The following NAV2 variants were observed in gnomAD, a reference collection of about 807,000 sequenced individuals.
The protein encoded by NAV2 is helicase, APC down-regulated 1.
In NAV2, 54 loss-of-function variants were observed where a neutral mutation model predicts 223.2. The ratio of observed to expected loss-of-function variants is 0.24; its 90% CI spans 0.19 to 0.30. The LOEUF (loss-of-function observed/expected upper bound fraction) is 0.30, where lower values mean the gene tolerates loss of function less well. NAV2 is among the 10% of genes least tolerant of loss of function. The pLI is 1.00. For synonymous variants in NAV2, 1,279 were observed against 1,239.3 expected (o/e 1.03, Z -0.67); for missense variants, 2,806 against 3,147.5 (o/e 0.89, Z 2.60).
At chr11:19,885,385 C>T (rs1250012134) in intron 5 of NAV2, among the ~76,000 whole-genome samples, 3 of 152,196 alleles carry the variant, frequency 2.0e-5, no homozygotes, top group Non-Finnish European at 4.4e-5. Flanking sequence ...GTTGAGGCTG[C>T]TTTTTAAAAT....
intron 1 of NAV2, among the ~76,000 whole-genome samples, chr11:19,415,184 A>C (rs1361184665): frequency 6.6e-6 from 1 of 152,102 alleles, no homozygotes; most frequent in Non-Finnish European, 1.5e-5. Context: ...ATTAACAAAG[A>C]GATAGACTGC....
intron 1 of NAV2, among the ~76,000 whole-genome samples, chr11:19,676,423 C>G (rs946863618): frequency 2.0e-5 from 3 of 152,092 alleles, no homozygotes; most frequent in African/African-American, 4.8e-5. Context: ...TACAACCTAG[C>G]ACAATGCTTG....
In NAV2 at chr11:19,714,465, C is replaced by T. The variant is rs373942270; in HGVS notation, c.267+503C>T. Reference sequence around the variant, plus strand: ...GATCGCGGGTGGCAGTGAACCTGCTCTTCCCTTGGCTTGAAGATGACCTGT... The same window carrying T: ...GATCGCGGGTGGCAGTGAACCTGCTTTTCCCTTGGCTTGAAGATGACCTGT... On this transcript the variant is annotated intron_variant, in intron 1 of 37. Coordinates refer to ENST00000349880, the MANE Select transcript of NAV2 (RefSeq NM_145117.5). The T allele has an allele frequency of 5.7e-5, 26 of 456,526 alleles. 2 individuals are homozygous for T. The highest frequency in any genetic ancestry group is 4.0e-4 in the South Asian group (26 of 64,566). 28.3% of individuals were successfully genotyped at this position (456,526 alleles called of 1,614,324 possible).
intron 1 of NAV2, among the ~76,000 whole-genome samples, chr11:19,785,588 G>A (rs1354684344): frequency 6.6e-6 from 1 of 151,576 alleles, no homozygotes; most frequent in Admixed American, 6.6e-5. Context: ...GATATTTCCT[G>A]AGATAGCAAT....
chr11:19,767,485 T>C (rs879191749), intron 1 of NAV2, among the ~76,000 whole-genome samples: 2 of 152,176 alleles, frequency 1.3e-5, no homozygotes, highest in Non-Finnish European at 2.9e-5. Context: ...ATTATTAGGA[T>C]CAAATGAGAG....
intron 1 of NAV2, among the ~76,000 whole-genome samples, chr11:19,687,246 C>T (rs2049049190): frequency 1.3e-5 from 2 of 152,342 alleles, no homozygotes; most frequent in South Asian, 2.1e-4. Context: ...GGGAGCCATA[C>T]AGCAGCTCTT....
At chr11:19,982,134 A>G (rs1425246030) in intron 10 of NAV2, among the ~76,000 whole-genome samples, 1 of 152,128 alleles carries the variant, frequency 6.6e-6, no homozygotes, top group African/African-American at 2.4e-5. Context: ...GGGCAATTAA[A>G]CAAATAATTA....
intron 10 of NAV2, 64 bp downstream of exon 10, chr11:19,949,144 T>C (rs2153368355): frequency 6.7e-7 from 1 of 1,497,450 alleles, no homozygotes; most frequent in Admixed American, 2.3e-5. Context: ...GCTTCTCTTT[T>C]GTAGGGCTCT....
intron 11 of NAV2, among the ~76,000 whole-genome samples, chr11:20,026,458 C>T (rs1475920960): frequency 6.6e-6 from 1 of 151,940 alleles, no homozygotes; most frequent in African/African-American, 2.4e-5. Context: ...CTACAGGTGC[C>T]TGCCACCATA....
intron 26 of NAV2, among the ~76,000 whole-genome samples, chr11:20,083,750 C>G (rs1480011271): frequency 4.0e-4 from 61 of 152,216 alleles, no homozygotes; most frequent in Admixed American, 3.9e-3. Context: ...GTTGTATAAA[C>G]TTCAGTTTCC....
At chr11:19,406,391 G>A (rs1033813788) in intron 1 of NAV2, among the ~76,000 whole-genome samples, 2 of 152,166 alleles carry the variant, frequency 1.3e-5, no homozygotes, top group Admixed American at 6.5e-5. Flanking sequence ...CGCGCAGAAC[G>A]GCAAGATGCT....
intron 1 of NAV2, among the ~76,000 whole-genome samples, chr11:19,729,176 A>G (rs1281485062): frequency 1.3e-5 from 2 of 152,176 alleles, no homozygotes; most frequent in African/African-American, 2.4e-5. Context: ...AGATTAGAAG[A>G]TGAAATTGGA....
intron 36 of NAV2, among the ~76,000 whole-genome samples, chr11:20,111,925 A>G (rs1408570464): frequency 1.3e-5 from 2 of 152,234 alleles, no homozygotes; most frequent in Non-Finnish European, 2.9e-5. Context: ...CTCTGAGGAC[A>G]TGTTCAGCTC....
chr11:19,547,833 C>G (rs985252170), intron 1 of NAV2, among the ~76,000 whole-genome samples: 1 of 152,118 alleles, frequency 6.6e-6, no homozygotes, highest in African/African-American at 2.4e-5. Flanking sequence ...AAGAAATGGG[C>G]TGGATTTTTA....
chr11:20,070,223 G>A (rs80140780), intron 22 of NAV2, among the ~76,000 whole-genome samples: 4,094 of 151,140 alleles, frequency 0.027, 197 homozygotes, highest in African/African-American at 0.093. Context: ...GTGTAGATTT[G>A]AATCCAGAAC....
intron 11 of NAV2, among the ~76,000 whole-genome samples, chr11:20,025,558 G>A (rs11825935): frequency 6.6e-6 from 1 of 151,998 alleles, no homozygotes; most frequent in Non-Finnish European, 1.5e-5. Context: ...GCTTTCTAAC[G>A]CGACCAAGCT....
At chr11:19,862,938 AAGAG>A (rs1416365608) in intron 3 of NAV2, among the ~76,000 whole-genome samples, 5 of 152,150 alleles carry the variant, frequency 3.3e-5, no homozygotes, top group African/African-American at 1.2e-4. Flanking sequence ...TAGTTTTGGA[AAGAG>A]ACAGAGGAAG....
chr11:19,385,840 C>T (rs559514511), intron 1 of NAV2, among the ~76,000 whole-genome samples: 1 of 148,502 alleles, frequency 6.7e-6, no homozygotes, highest in Non-Finnish European at 1.5e-5. Context: ...CGGCTCACTG[C>T]AAGCTCCGCC....
intron 1 of NAV2, among the ~76,000 whole-genome samples, chr11:19,458,376 G>A (rs78557403): frequency 0.031 from 4,653 of 152,284 alleles, 102 homozygotes; most frequent in Non-Finnish European, 0.047. Context: ...ACTTGCACAC[G>A]GAATGATTCA....
Sources: allele counts gnomAD v4.1 joint callset (sites outside exome capture counted in the v4.1 genomes callset), GRCh38; gene constraint gnomAD v4.1.1; transcripts MANE v1.5; gene names NCBI Gene and HGNC (gene_info 2026-07-23, HGNC 2026-07-21).